Variants in PSMB2 observed in about 807,000 individuals in gnomAD.
PSMB2 encodes proteasome 20S subunit beta 2.
Under a neutral mutation model 25.7 loss-of-function variants are expected in PSMB2, and 13 were observed. That is an observed-to-expected ratio of 0.51 (90% confidence interval 0.33 to 0.80). The LOEUF is 0.80. Ranked by LOEUF, PSMB2 falls within the 30% of genes least tolerant of loss-of-function variation. The pLI is 0.02. For missense variants in PSMB2, 202 were observed against 259.0 expected (o/e 0.78, Z 1.51); for synonymous variants, 87 against 96.2 (o/e 0.90, Z 0.56).
Position 35,636,433 on chromosome 1 carries a change from C to G in PSMB2, c.92-1G>C. 6.2e-7 allele frequency: 1 copy of G among 1,613,546 alleles called. No individual in the cohort carries two copies. Among genetic ancestry groups the G allele is most frequent in the Non-Finnish European group, 8.5e-7 (1 of 1,179,770 alleles). Reference sequence around the variant, plus strand: ...CTCATCTTAAACATCTTGTCATGATCTGCTCAAAGAAGAAAACTGTGTTAG... The same window carrying G: ...CTCATCTTAAACATCTTGTCATGATGTGCTCAAAGAAGAAAACTGTGTTAG... On this transcript the variant is annotated splice_acceptor_variant, in intron 1 of 5. Coordinates refer to ENST00000373237, the MANE Select transcript of PSMB2 (RefSeq NM_002794.5). LOFTEE classifies it high-confidence loss of function.
chr1:35,601,750 T>C lies in PSMB2; in HGVS notation c.*1517A>G. 1.0e-6 allele frequency: 1 copy of C among 985,436 alleles called. No homozygotes were observed. The highest frequency in any genetic ancestry group is 1.2e-6 in the Non-Finnish European group (1 of 829,908). 61.0% of individuals were successfully genotyped at this position (985,436 alleles called of 1,614,324 possible). ...TTAGTCGGAGACCAAATGGTTTTGA[T>C]ATGTGGTTCCTAGACCAGCAGCATC... On this transcript the variant is annotated 3_prime_UTR_variant, in exon 6 of 6. Coordinates refer to ENST00000373237, the MANE Select transcript of PSMB2 (RefSeq NM_002794.5).
At chr1:35,638,162 A>G (rs1651297220) in intron 1 of PSMB2, among the ~76,000 whole-genome samples, 1 of 152,216 alleles carries the variant, frequency 6.6e-6, no homozygotes, top group Admixed American at 6.5e-5. Flanking sequence ...AGCTTAATAC[A>G]AGGCCAAAAA....
chr1:35,604,785 A>G (rs553961057), intron 5 of PSMB2, among the ~76,000 whole-genome samples: 11 of 152,298 alleles, frequency 7.2e-5, no homozygotes, highest in African/African-American at 2.4e-4. Context: ...CGTCTCAAAT[A>G]AAAAAATAAA....
At chr1:35,623,646 GTGC>G (rs1478355286) in intron 3 of PSMB2, among the ~76,000 whole-genome samples, 1 of 152,192 alleles carries the variant, frequency 6.6e-6, no homozygotes, top group Admixed American at 6.5e-5. Context: ...TCCTCCCACT[GTGC>G]TGCCCATCTG....
At chr1:35,610,708 T>G (rs896096410) in intron 3 of PSMB2, among the ~76,000 whole-genome samples, 1 of 152,056 alleles carries the variant, frequency 6.6e-6, no homozygotes, top group Non-Finnish European at 1.5e-5. Flanking sequence ...GTTGGCCAGG[T>G]TGGTCTCGAA....
In PSMB2 at chr1:35,599,842, T is replaced by C; in HGVS notation, c.*3425A>G. On this transcript the variant is annotated 3_prime_UTR_variant, in exon 6 of 6. Transcript: ENST00000373237. Reference sequence around the variant, plus strand: ...CCAGAGTAATGGGGATGGAGATTTATAAAGATTAGGCTGGGTGCAGTGGCT... The same window carrying C: ...CCAGAGTAATGGGGATGGAGATTTACAAAGATTAGGCTGGGTGCAGTGGCT... The C allele has an allele frequency of 1.0e-6, 1 of 985,034 alleles. No homozygotes were observed. Among genetic ancestry groups the C allele is most frequent in the African/African-American group, 1.7e-5 (1 of 57,312 alleles). 61.0% of individuals were successfully genotyped at this position (985,034 alleles called of 1,614,324 possible). A position where few individuals can be genotyped will look rare whatever the true frequency, so the allele number is the denominator to read the frequency against.
chr1:35,640,607 A>G (rs1222142330), intron 1 of PSMB2, among the ~76,000 whole-genome samples: 1 of 151,876 alleles, frequency 6.6e-6, no homozygotes. Flanking sequence ...GCCGCCAACA[A>G]ACTAACCTCA....
chr1:35,641,229 C>T, intron 1 of PSMB2, 113 bp downstream of exon 1: 1 of 1,330,220 alleles, frequency 7.5e-7, no homozygotes, highest in Non-Finnish European at 1.0e-6. Flanking sequence ...ACGGGCAGGG[C>T]AGGCCGGCTT....
At chr1:35,608,154 C>G (rs962751898) in intron 4 of PSMB2, among the ~76,000 whole-genome samples, 1 of 152,084 alleles carries the variant, frequency 6.6e-6, no homozygotes, top group Non-Finnish European at 1.5e-5. Context: ...CACTTGAAGT[C>G]AGGAGTTCTG....
Position 35,641,508 on chromosome 1 carries a change from G to A in PSMB2, c.-76C>T. ...GCTTCCAGGTCTCACCGGTGAGACA[G>A]CACCTCAGAGCGAAGATTGGCGCGA... On this transcript the variant is annotated 5_prime_UTR_variant, in exon 1 of 6. Coordinates refer to ENST00000373237, the MANE Select transcript of PSMB2 (RefSeq NM_002794.5). 6.3e-7 allele frequency: 1 copy of A among 1,591,736 alleles called. No homozygotes were observed. The highest frequency in any genetic ancestry group is 8.6e-7 in the Non-Finnish European group (1 of 1,166,864).
At chr1:35,622,179 GGTT>G (rs977720398) in intron 3 of PSMB2, among the ~76,000 whole-genome samples, 1 of 152,058 alleles carries the variant, frequency 6.6e-6, no homozygotes, top group Non-Finnish European at 1.5e-5. Flanking sequence ...AACCTCATGA[GGTT>G]GTTGAGATCA....
intron 5 of PSMB2, among the ~76,000 whole-genome samples, chr1:35,604,863 A>C (rs1480121416): frequency 1.3e-5 from 2 of 152,244 alleles, no homozygotes; most frequent in Non-Finnish European, 2.9e-5. Context: ...TGGGACTGCC[A>C]GTTAAAGCAG....
chr1:35,634,354 T>G (rs1651184684), intron 2 of PSMB2, among the ~76,000 whole-genome samples: 1 of 151,556 alleles, frequency 6.6e-6, no homozygotes, highest in East Asian at 2.0e-4. Flanking sequence ...TTACTTAGGT[T>G]TTTTGACGCT....
intron 2 of PSMB2, among the ~76,000 whole-genome samples, chr1:35,632,482 A>G (rs1253684423): frequency 1.3e-5 from 2 of 152,370 alleles, no homozygotes; most frequent in African/African-American, 4.8e-5. Context: ...ATTCAGATTC[A>G]AATCCTAACA....
At chr1:35,604,723 T>C (rs952262311) in intron 5 of PSMB2, among the ~76,000 whole-genome samples, 3 of 152,162 alleles carry the variant, frequency 2.0e-5, no homozygotes, top group Non-Finnish European at 4.4e-5. Flanking sequence ...GAGGTTGCAG[T>C]GAGCTGAAAT....
intron 1 of PSMB2, among the ~76,000 whole-genome samples, chr1:35,638,792 GTCTAC>G (rs1482868286): frequency 6.6e-6 from 1 of 152,128 alleles, no homozygotes; most frequent in African/African-American, 2.4e-5. Context: ...CTCAGCAAAT[GTCTAC>G]TCTATAGTAT....
At chr1:35,639,276 T>TA (rs926318494) in intron 1 of PSMB2, among the ~76,000 whole-genome samples, 1 of 151,912 alleles carries the variant, frequency 6.6e-6, no homozygotes, top group African/African-American at 2.4e-5. Flanking sequence ...ATAAAATAAA[T>TA]AAAAAAGTCA....
In PSMB2 at chr1:35,641,351, T is replaced by A. The variant is rs778999790; in HGVS notation, c.82A>T (p.Met28Leu). ...CCCTGCTTCCTCTCACCGTCCTTCA[T>A]CTGGACAATATTGCTGGCGGCCACC... ...DRVAASNIVQ[M>L]KDDHDKMFKM... The change falls in exon 1 of 6, where the codon ATG (methionine) becomes TTG (leucine). Residue 28 changes from methionine to leucine, a missense_variant. Physicochemically the swap from Met to Leu is conservative, Grantham distance 15. Coordinates refer to ENST00000373237, the MANE Select transcript of PSMB2 (RefSeq NM_002794.5). 8 of 1,613,908 alleles carry A rather than the reference T, an allele frequency of 5.0e-6. No individual in the cohort carries two copies. In the South Asian group the frequency reaches 5.5e-5, roughly 11 times the overall value.
rs1571116872 is a variant in PSMB2 at position 35,601,286 on chromosome 1, G to A, written c.*1981C>T. On this transcript the variant is annotated 3_prime_UTR_variant, in exon 6 of 6. Coordinates refer to ENST00000373237, the MANE Select transcript of PSMB2 (RefSeq NM_002794.5). ...GGGTTTCACCATGTTGGCCAGGCTG[G>A]TCTTGAACTCCTGACCTCAGGTGAT... is the stretch of plus-strand genomic sequence containing the variant. The A allele has an allele frequency of 1.3e-6, 1 of 788,418 alleles. No homozygotes were observed. The highest frequency in any genetic ancestry group is 5.8e-5 in the South Asian group (1 of 17,204). 48.8% of individuals were successfully genotyped at this position (788,418 alleles called of 1,614,324 possible).
Sources: gnomAD v4.1 joint callset for allele counts (sites outside exome capture counted in the v4.1 genomes callset) on GRCh38, gnomAD v4.1.1 for gene constraint, MANE v1.5 for transcripts, NCBI Gene and HGNC (gene_info 2026-07-23, HGNC 2026-07-21) for gene names.